Variants in COL25A1 observed in about 807,000 individuals in gnomAD.
The protein encoded by COL25A1 is collagen type XXV alpha 1 chain.
Under a neutral mutation model 128.4 loss-of-function variants are expected in COL25A1, and 103 were observed. The ratio of observed to expected loss-of-function variants is 0.80; its 90% CI spans 0.68 to 0.94. The LOEUF is 0.94. Among genes scored for constraint, COL25A1 ranks in the 40% least tolerant of loss-of-function variants. COL25A1 has a pLI of 0.00. For synonymous variants in COL25A1, 279 were observed against 277.2 expected (o/e 1.01, Z -0.06); for missense variants, 745 against 840.0 (o/e 0.89, Z 1.40).
intron 3 of COL25A1, among the ~76,000 whole-genome samples, chr4:109,138,350 C>T (rs1359530430): frequency 7.9e-5 from 12 of 152,080 alleles, no homozygotes; most frequent in African/African-American, 2.2e-4. Flanking sequence ...TATTCCATGG[C>T]GTATATGTGC....
intron 24 of COL25A1, 115 bp from the exon 25 acceptor site, chr4:108,853,040 A>G: frequency 2.3e-6 from 2 of 855,016 alleles, no homozygotes; most frequent in Non-Finnish European, 3.8e-6. Flanking sequence ...CTGATATCTT[A>G]AAAGGATTTG....
At chr4:109,156,804 CAG>C (rs1387442346) in intron 3 of COL25A1, among the ~76,000 whole-genome samples, 1 of 152,198 alleles carries the variant, frequency 6.6e-6, no homozygotes, top group Admixed American at 6.5e-5. Flanking sequence ...TTGCACTCCA[CAG>C]AGTCATTTAA....
chr4:109,276,122 A>C (rs1722813479), intron 3 of COL25A1, among the ~76,000 whole-genome samples: 1 of 152,288 alleles, frequency 6.6e-6, no homozygotes, highest in African/African-American at 2.4e-5. Flanking sequence ...AGATTGTCTT[A>C]TTTCTTGGCC....
At chr4:109,158,410 T>C (rs1178466128) in intron 3 of COL25A1, among the ~76,000 whole-genome samples, 3 of 152,216 alleles carry the variant, frequency 2.0e-5, no homozygotes, top group Admixed American at 6.5e-5. Flanking sequence ...TGTATTCTTC[T>C]ATATAGTATA....
chr4:108,957,177 C>T (rs923567978), intron 8 of COL25A1, among the ~76,000 whole-genome samples: 2 of 152,016 alleles, frequency 1.3e-5, no homozygotes, highest in Non-Finnish European at 2.9e-5. Flanking sequence ...TATACATTAT[C>T]CTTTAAGGAG....
At chr4:108,837,327 T>C (rs892348069) in intron 31 of COL25A1, among the ~76,000 whole-genome samples, 2 of 152,170 alleles carry the variant, frequency 1.3e-5, no homozygotes, top group Admixed American at 6.5e-5. Context: ...ATGTAATCTA[T>C]ATTGTTCTTT....
chr4:108,992,236 G>A (rs1323469807), intron 6 of COL25A1, among the ~76,000 whole-genome samples: 1 of 152,116 alleles, frequency 6.6e-6, no homozygotes, highest in East Asian at 1.9e-4. Context: ...CTCCAAAAGA[G>A]AGTTATGAGG....
At chr4:109,203,468 G>T (rs1025236767) in intron 3 of COL25A1, among the ~76,000 whole-genome samples, 2 of 151,830 alleles carry the variant, frequency 1.3e-5, no homozygotes, top group Admixed American at 6.6e-5. Context: ...AGAAGAAATG[G>T]GACCCAGGAA....
intron 3 of COL25A1, among the ~76,000 whole-genome samples, chr4:109,076,911 T>C (rs1179527000): frequency 1.3e-5 from 2 of 152,172 alleles, no homozygotes; most frequent in Non-Finnish European, 2.9e-5. Flanking sequence ...CAGGCAGTAA[T>C]GCAAGCAATG....
intron 3 of COL25A1, among the ~76,000 whole-genome samples, chr4:109,213,271 CAT>C (rs1368981593): frequency 3.3e-5 from 5 of 152,168 alleles, no homozygotes; most frequent in East Asian, 3.9e-4. Context: ...TCATAAGAAA[CAT>C]ATGTGGTAGA....
chr4:109,230,067 T>C (rs1779062570), intron 3 of COL25A1, among the ~76,000 whole-genome samples: 1 of 152,072 alleles, frequency 6.6e-6, no homozygotes, highest in Admixed American at 6.6e-5. Context: ...AAACTCACTA[T>C]CACAAAGACA....
At chr4:109,111,808 G>C (rs1167690061) in intron 3 of COL25A1, among the ~76,000 whole-genome samples, 2 of 152,104 alleles carry the variant, frequency 1.3e-5, no homozygotes, top group East Asian at 3.9e-4. Flanking sequence ...TTCAAAGGAA[G>C]ACTGTAGTAT....
At chr4:108,876,980 TA>T (rs958851340) in intron 19 of COL25A1, among the ~76,000 whole-genome samples, 1 of 152,214 alleles carries the variant, frequency 6.6e-6, no homozygotes, top group Non-Finnish European at 1.5e-5. Flanking sequence ...AAAAGATGAA[TA>T]ATAGAATAGC....
chr4:108,866,360 T>C (rs1473366278), intron 20 of COL25A1, among the ~76,000 whole-genome samples: 1 of 151,902 alleles, frequency 6.6e-6, no homozygotes, highest in African/African-American at 2.4e-5. Flanking sequence ...GCCCAGATGA[T>C]TTTTGTATTT....
chr4:108,816,409 A>G (rs1283613487), intron 37 of COL25A1, among the ~76,000 whole-genome samples: 14 of 152,198 alleles, frequency 9.2e-5, no homozygotes, highest in African/African-American at 3.4e-4. Context: ...AGAAGCCACA[A>G]GGTGCTGGAG....
At chr4:109,129,038 T>G (rs1768909678) in intron 3 of COL25A1, among the ~76,000 whole-genome samples, 1 of 152,220 alleles carries the variant, frequency 6.6e-6, no homozygotes, top group African/African-American at 2.4e-5. Flanking sequence ...GAGCATTTTA[T>G]GAAAGCTCTT....
chr4:108,848,700 A>G (rs1257493890), intron 27 of COL25A1, 59 bp downstream of exon 27: 1 of 1,241,366 alleles, frequency 8.1e-7, no homozygotes, highest in South Asian at 1.2e-5. Context: ...TCAAACCTAC[A>G]ATAAAAGTAG....
intron 3 of COL25A1, among the ~76,000 whole-genome samples, chr4:109,190,448 A>C (rs1191666741): frequency 6.6e-6 from 1 of 152,148 alleles, no homozygotes. Context: ...GGGAGGAAAG[A>C]CAAATAGGTG....
intron 3 of COL25A1, among the ~76,000 whole-genome samples, chr4:109,223,168 T>C (rs563237879): frequency 6.6e-6 from 1 of 152,348 alleles, no homozygotes; most frequent in South Asian, 2.1e-4. Flanking sequence ...TTTCCTGGCA[T>C]TTAGAGAAAT....
Sources: gnomAD v4.1 joint callset for allele counts (sites outside exome capture counted in the v4.1 genomes callset) on GRCh38, gnomAD v4.1.1 for gene constraint, MANE v1.5 for transcripts, NCBI Gene and HGNC (gene_info 2026-07-23, HGNC 2026-07-21) for gene names.